GLRA3: variants seen among roughly 807,000 people sequenced by gnomAD.
The protein encoded by GLRA3 is glycine receptor alpha 3, also known as glycine receptor subunit alpha-3.
GLRA3 carries 44 observed loss-of-function variants against 60.4 expected under a neutral mutation model. That is an observed-to-expected ratio of 0.73 (90% CI 0.57 to 0.94). GLRA3 has a LOEUF of 0.94. GLRA3 is among the 40% of genes least tolerant of loss of function. GLRA3 has a pLI of 0.00. For missense variants in GLRA3, 508 were observed against 564.6 expected (o/e 0.90, Z 1.02); for synonymous variants, 223 against 192.9 (o/e 1.16, Z -1.29).
intron 4 of GLRA3, among the ~76,000 whole-genome samples, chr4:174,727,619 T>C (rs192722695): frequency 2.1e-4 from 32 of 152,290 alleles, no homozygotes; most frequent in African/African-American, 7.2e-4. Context: ...ATCACTATTT[T>C]AGAAGATTTT....
chr4:174,801,050 G>A (rs1739791723), intron 1 of GLRA3, among the ~76,000 whole-genome samples: 1 of 152,060 alleles, frequency 6.6e-6, no homozygotes, highest in Non-Finnish European at 1.5e-5. Flanking sequence ...TTAAGGTAGA[G>A]TCGGCTAAAC....
chr4:174,699,805 TTAATTAA>T (rs67014003), intron 5 of GLRA3, among the ~76,000 whole-genome samples: 113,725 of 148,856 alleles, frequency 0.76, 43,772 homozygotes, highest in South Asian at 0.82. Context: ...TGTTAATTAT[TTAATTAA>T]TAATTAATAA....
rs1732547861 is a variant in GLRA3 at position 174,638,291 on chromosome 4, TTGTC to T, written c.*5491_*5494del. 6.6e-6 allele frequency: 1 copy of T among 152,166 alleles called. No homozygotes were observed. The highest frequency in any genetic ancestry group is 1.5e-5 in the Non-Finnish European group (1 of 68,014). The allele number at this position is 152,166 out of a possible 1,614,324, so 9.4% of individuals were successfully genotyped here. ...CAAAGATTTATTTTAAATTCTTTTT[TTGTC>T]TGTCTGTTTGTTTGTGAGACAGAGT... On this transcript the variant is annotated 3_prime_UTR_variant, in exon 10 of 10. Transcript: ENST00000274093.
At chr4:174,750,976 T>C (rs1350541807) in intron 3 of GLRA3, among the ~76,000 whole-genome samples, 2 of 152,110 alleles carry the variant, frequency 1.3e-5, no homozygotes, top group African/African-American at 4.8e-5. Flanking sequence ...GAAGAACTTT[T>C]ACATAGGGAT....
chr4:174,746,622 T>C (rs1025127551), intron 3 of GLRA3, among the ~76,000 whole-genome samples: 13 of 152,174 alleles, frequency 8.5e-5, no homozygotes. Context: ...AACAATATCA[T>C]GTATATTTCA....
rs968094936 is a variant in GLRA3 at position 174,828,898 on chromosome 4, C to A, written c.-87G>T. 1 of 925,806 alleles carries A rather than the reference C, an allele frequency of 1.1e-6. No homozygotes were observed. Among genetic ancestry groups the A allele is most frequent in the Non-Finnish European group, 1.8e-6 (1 of 558,584 alleles). 57.3% of individuals were successfully genotyped at this position (925,806 alleles called of 1,614,324 possible). A position where few individuals can be genotyped will look rare whatever the true frequency, so the allele number is the denominator to read the frequency against. On this transcript the variant is annotated 5_prime_UTR_variant, in exon 1 of 10. Coordinates refer to ENST00000274093, the MANE Select transcript of GLRA3 (RefSeq NM_006529.4). ...GACAGAATGAAAATGTACAATCTAA[C>A]CCCGCATGGTGTTGGTGTAGACTGA...
At chr4:174,795,163 T>C (rs1739515032) in intron 1 of GLRA3, among the ~76,000 whole-genome samples, 1 of 151,882 alleles carries the variant, frequency 6.6e-6, no homozygotes, top group African/African-American at 2.4e-5. Context: ...TAAATTAAAC[T>C]GGAGGAAGAA....
chr4:174,719,781 T>C (rs1379429339), intron 4 of GLRA3, among the ~76,000 whole-genome samples: 2 of 152,190 alleles, frequency 1.3e-5, no homozygotes, highest in Non-Finnish European at 1.5e-5. Flanking sequence ...TATGAAGCTA[T>C]GGACCGCTTA....
chr4:174,754,041 A>T (rs1363677672), intron 3 of GLRA3, among the ~76,000 whole-genome samples: 1 of 152,008 alleles, frequency 6.6e-6, no homozygotes, highest in Admixed American at 6.6e-5. Context: ...GCCTTTTAAC[A>T]TTGTTTTAAC....
intron 3 of GLRA3, among the ~76,000 whole-genome samples, chr4:174,735,560 A>G (rs1286665279): frequency 1.3e-5 from 2 of 152,160 alleles, no homozygotes; most frequent in East Asian, 3.9e-4. Context: ...TATTTTGTAT[A>G]TTTATTTATT....
chr4:174,692,227 C>A (rs967433172), intron 5 of GLRA3, among the ~76,000 whole-genome samples: 29 of 149,574 alleles, frequency 1.9e-4, no homozygotes, highest in African/African-American at 7.2e-4. Context: ...AGGTGGGGGT[C>A]AGCCCCCGCC....
intron 6 of GLRA3, 94 bp from the exon 7 acceptor site, chr4:174,677,386 G>A (rs964146892): frequency 1.4e-6 from 1 of 704,170 alleles, no homozygotes; most frequent in Non-Finnish European, 2.5e-6. Context: ...TTGAGACAGG[G>A]TCTCACTCTG....
In GLRA3 at chr4:174,642,284, T is replaced by C; in HGVS notation, c.*1502A>G. The C allele has an allele frequency of 1.1e-6, 1 of 949,154 alleles. No homozygotes were observed. The highest frequency in any genetic ancestry group is 1.3e-6 in the Non-Finnish European group (1 of 797,076). The allele number at this position is 949,154 out of a possible 1,614,324, so 58.8% of individuals were successfully genotyped here. A position where few individuals can be genotyped will look rare whatever the true frequency, so the allele number is the denominator to read the frequency against. On this transcript the variant is annotated 3_prime_UTR_variant, in exon 10 of 10. Transcript: ENST00000274093. ...TGGTTGAAGGGTAGAAAATAGCATC[T>C]TGTTAAAGAACTGGCTTTTCTATTG...
At chr4:174,822,205 C>G (rs777581786) in intron 1 of GLRA3, among the ~76,000 whole-genome samples, 13 of 152,174 alleles carry the variant, frequency 8.5e-5, no homozygotes, top group Non-Finnish European at 1.9e-4. Context: ...TTGGATGTAG[C>G]CATTGCTCCA....
At position 174,679,102 on chromosome 4, in the gene GLRA3, C is replaced by T. The variant is rs570988069; in HGVS notation, c.713-1810G>A. Among the ~76,000 whole-genome samples the T allele has an allele frequency of 1.8e-4, 27 of 152,028 alleles. 1 individual carries two copies. In the South Asian group the frequency reaches 3.5e-3, roughly 20 times the overall value. ...ATCCCAGCACTTTGGGAGGCCGAGG[C>T]GGGAGAATCATGAGGTCAGGAGATG... is the stretch of plus-strand genomic sequence containing the variant. On this transcript the variant is annotated intron_variant, in intron 6 of 9. Coordinates refer to ENST00000274093, the MANE Select transcript of GLRA3 (RefSeq NM_006529.4).
chr4:174,677,021 T>C, intron 7 of GLRA3, 57 bp downstream of exon 7: 1 of 1,061,838 alleles, frequency 9.4e-7, no homozygotes, highest in South Asian at 1.3e-5. Flanking sequence ...CAATGATATC[T>C]TTGCAAGATT....
intron 1 of GLRA3, among the ~76,000 whole-genome samples, chr4:174,809,208 C>T (rs745557656): frequency 6.6e-6 from 1 of 152,128 alleles, no homozygotes; most frequent in Non-Finnish European, 1.5e-5. Flanking sequence ...GTTACAATTG[C>T]CTACAGTATT....
At position 174,819,300 on chromosome 4, in the gene GLRA3, T is replaced by C. The variant is rs530259733; in HGVS notation, c.71+9441A>G. Among the ~76,000 whole-genome samples, 20 of 152,336 alleles carry C rather than the reference T, an allele frequency of 1.3e-4. No homozygotes were observed. The South Asian group carries it at 4.1e-3, about 32-fold the overall frequency. On this transcript the variant is annotated intron_variant, in intron 1 of 9. Transcript: ENST00000274093. Reference sequence around the variant, plus strand: ...TGAATAAACATTTGCTGATATTTTATAACTCTCTTGAAGAGTCATACAGAT... The same window carrying C: ...TGAATAAACATTTGCTGATATTTTACAACTCTCTTGAAGAGTCATACAGAT...
Position 174,648,198 on chromosome 4 carries a change from C to T in GLRA3, c.1117-4134G>A, listed in dbSNP as rs146895634. On this transcript the variant is annotated intron_variant, in intron 9 of 9. Transcript: ENST00000274093. ...GTTGAGGACTGAGTGTGGCAGCTTACGCCTCTAATCCTAGCACTTTGAGAG... is the reference window on the plus strand; with the variant it reads ...GTTGAGGACTGAGTGTGGCAGCTTATGCCTCTAATCCTAGCACTTTGAGAG... 1.2e-3 allele frequency among the ~76,000 whole-genome samples: 189 copies of T among 152,188 alleles called. 2 individuals are homozygous for T. In the East Asian group the frequency reaches 0.032, roughly 26 times the overall value.
Sources: gnomAD v4.1 joint callset for allele counts (sites outside exome capture counted in the v4.1 genomes callset) on GRCh38, gnomAD v4.1.1 for gene constraint, MANE v1.5 for transcripts, NCBI Gene and HGNC (gene_info 2026-07-23, HGNC 2026-07-21) for gene names.